The following A2ML1 variants were observed in gnomAD, a reference collection of about 807,000 sequenced individuals.
A2ML1 encodes alpha-2-macroglobulin-like protein 1.
In A2ML1, 161 loss-of-function variants were observed where a neutral mutation model predicts 181.9. The observed-to-expected ratio is 0.89, with a 90% confidence interval of 0.78 to 1.01. The LOEUF (loss-of-function observed/expected upper bound fraction) is 1.01, where lower values mean the gene tolerates loss of function less well. Among genes scored for constraint, A2ML1 ranks in the 50% least tolerant of loss-of-function variants. A2ML1 has a pLI of 0.00. For synonymous variants in A2ML1, 663 were observed against 666.8 expected (o/e 0.99, Z 0.09); for missense variants, 1,670 against 1,768.1 (o/e 0.94, Z 1.00).
At chr12:8,840,588 G>A (rs993479325) in intron 10 of A2ML1, among the ~76,000 whole-genome samples, 108 of 152,038 alleles carry the variant, frequency 7.1e-4, no homozygotes, top group African/African-American at 2.4e-3. Flanking sequence ...CACAGTTTGG[G>A]AGGGTAGGGG....
rs1236425030 is a variant in A2ML1 at position 8,845,864 on chromosome 12, ATAAATAAAATAAAATAAAATAAAAT to A, written c.1538-212_1538-188del. Among the ~76,000 whole-genome samples, 214 of 57,170 alleles carry A rather than the reference ATAAATAAAATAAAATAAAATAAAAT, an allele frequency of 3.7e-3. 8 individuals carry two copies. The highest frequency in any genetic ancestry group is 0.014 in the African/African-American group (176 of 13,034). The allele number at this position is 57,170 out of a possible 152,430, so 37.5% of individuals were successfully genotyped here. ...GACTCCGTCTCAAAAAAAAAAAAAA[ATAAATAAAATAAAATAAAATAAAAT>A]AAAAAAATTCTTATCCACAGAAGTA... On this transcript the variant is annotated intron_variant, in intron 13 of 35. Transcript: ENST00000299698.
rs2136930073 is a variant in A2ML1 at position 8,860,949 on chromosome 12, T to C, written c.3333T>C (p.Asp1111=). Residue 1111 remains aspartate, a synonymous_variant, in exon 27 of 36, where the codon GAT becomes GAC. Coordinates refer to ENST00000299698, the MANE Select transcript of A2ML1 (RefSeq NM_144670.6). ...CTGCATTGCTGGAGATGGGAAAGGA[T>C]GTAGATGTAAGTTCTCCTGGCTCCT... is the stretch of plus-strand genomic sequence containing the variant. The part of the protein sequence containing the change: ...VTAALLEMGK[D]VDDPMVSQGL... 5 of 1,614,068 alleles carry C rather than the reference T, an allele frequency of 3.1e-6. No homozygotes were observed. The highest frequency in any genetic ancestry group is 1.3e-5 in the African/African-American group (1 of 75,002).
rs1360882562 is a variant in A2ML1, at chr12:8,864,358, C to G, written c.3717+350C>G. On this transcript the variant is annotated intron_variant, in intron 29 of 35. Transcript: ENST00000299698. The stretch of plus-strand genomic sequence containing the variant: ...TGAAACCCCATCTCTACTAAAAATA[C>G]AAAAATTAGCCAGGTGCGATGGCAG... 2.9e-4 allele frequency among the ~76,000 whole-genome samples: 4 copies of G among 13,658 alleles called. 2 individuals carry two copies. Among genetic ancestry groups the G allele is most frequent in the Non-Finnish European group, 0.034 (2 of 58 alleles). 9.0% of individuals were successfully genotyped at this position (13,658 alleles called of 152,430 possible).
At chr12:8,839,246 TA>T in intron 10 of A2ML1, 24 bp downstream of exon 10, 6 of 1,569,318 alleles carry the variant, frequency 3.8e-6, no homozygotes, top group Non-Finnish European at 4.4e-6. Context: ...TTTCTCTGCA[TA>T]GACAAAAAAA....
chr12:8,838,474 A>T, intron 9 of A2ML1, 24 bp downstream of exon 9: 1 of 1,583,638 alleles, frequency 6.3e-7, no homozygotes, highest in Non-Finnish European at 8.6e-7. Flanking sequence ...TCCTTGGCTC[A>T]TTAAGAAAAG....
chr12:8,855,389 C>G, intron 22 of A2ML1, 120 bp from the exon 23 acceptor site: 1 of 843,584 alleles, frequency 1.2e-6, no homozygotes, highest in Admixed American at 2.2e-5. Context: ...TTCTGCATCC[C>G]AGAGAAAGCA....
intron 29 of A2ML1, among the ~76,000 whole-genome samples, chr12:8,865,506 T>A (rs1265032460): frequency 6.6e-6 from 1 of 152,166 alleles, no homozygotes; most frequent in African/African-American, 2.4e-5. Context: ...GCCATTGCAC[T>A]CCAGCCTGGG....
intron 7 of A2ML1, 41 bp downstream of exon 7, chr12:8,836,380 C>A: frequency 6.5e-7 from 1 of 1,534,912 alleles, no homozygotes; most frequent in Non-Finnish European, 9.0e-7. Context: ...ATTAAAGATG[C>A]ATCGAGAGAC....
intron 5 of A2ML1, 61 bp downstream of exon 5, chr12:8,834,743 T>G: frequency 6.2e-7 from 1 of 1,603,244 alleles, no homozygotes; most frequent in Non-Finnish European, 8.5e-7. Context: ...GAGAATTTGG[T>G]GGTACACCTT....
chr12:8,882,165 T>A, intron 7 of A2ML1, among the ~76,000 whole-genome samples: 1 of 151,328 alleles, frequency 6.6e-6, no homozygotes, highest in Non-Finnish European at 1.5e-5. Flanking sequence ...AAGCCAAGAG[T>A]GTTGAGGACT....
rs764547962 is a variant in A2ML1 at position 8,823,209 on chromosome 12, G to A, written c.90G>A (p.Arg30=). ...LPNYLVTLPA[R]LNFPSVQKVC... ...ACTACCTGGTGACATTACCAGCCCG[G>A]CTAAATTTCCCCTCCGTTCAGAAGG... The change falls in exon 2 of 36, where the codon CGG becomes CGA. Residue 30 remains arginine (R), a synonymous_variant. Coordinates refer to ENST00000299698, the MANE Select transcript of A2ML1 (RefSeq NM_144670.6). 3 of 1,613,864 alleles carry A rather than the reference G, an allele frequency of 1.9e-6. No homozygotes were observed. Among genetic ancestry groups the A allele is most frequent in the Admixed American group, 3.3e-5 (2 of 59,954 alleles).
rs755743642 is a variant in A2ML1 at position 8,822,622 on chromosome 12, A to C, written c.-30A>C. Reference sequence around the variant, plus strand: ...CTACGCGGAGCGATCTCTGCCCCTGACCCTGGAAAAATCTGTCTCACCCAC... The same window carrying C: ...CTACGCGGAGCGATCTCTGCCCCTGCCCCTGGAAAAATCTGTCTCACCCAC... On this transcript the variant is annotated 5_prime_UTR_variant, in exon 1 of 36. Transcript: ENST00000299698. 8 of 1,609,886 alleles carry C rather than the reference A, an allele frequency of 5.0e-6. No homozygotes were observed. The highest frequency in any genetic ancestry group is 3.3e-4 in the Middle Eastern group (2 of 6,056).
At chr12:8,847,803 C>T (rs1300646165) in intron 15 of A2ML1, 105 bp downstream of exon 15, 12 of 1,421,724 alleles carry the variant, frequency 8.4e-6, no homozygotes, top group Non-Finnish European at 1.1e-5. Flanking sequence ...AAATAATGCA[C>T]TGCCATAAGG....
chr12:8,882,204 G>A (rs1944878587), intron 7 of A2ML1, among the ~76,000 whole-genome samples: 1 of 151,894 alleles, frequency 6.6e-6, no homozygotes. Context: ...GAGAAGAGGA[G>A]AGACTGAAAG....
At chr12:8,837,891 GAAAA>G (rs151300022) in intron 8 of A2ML1, among the ~76,000 whole-genome samples, 15 of 103,820 alleles carry the variant, frequency 1.4e-4, no homozygotes, top group Admixed American at 3.0e-4. Flanking sequence ...CTCCCCCACC[GAAAA>G]AAAAAAAAAA....
rs183106884 is a variant in A2ML1 at position 8,882,943 on chromosome 12, C to A, written c.*94+2327C>A. Among the ~76,000 whole-genome samples, 195 of 152,300 alleles carry A rather than the reference C, an allele frequency of 1.3e-3. 1 individual carries two copies. Among genetic ancestry groups the A allele is most frequent in the Admixed American group, 2.6e-3 (40 of 15,282 alleles). ...TCTTCCTGCCCCCTCCCCGCCAGCT[C>A]CATCTTCGGCCTTTGACCCTCACAC... On this transcript the variant is annotated intron_variant and NMD_transcript_variant, in intron 7 of 7. Coordinates refer to the A2ML1 transcript ENST00000537475.
At chr12:8,882,641 AT>A (rs1387025985) in intron 7 of A2ML1, among the ~76,000 whole-genome samples, 1 of 152,108 alleles carries the variant, frequency 6.6e-6, no homozygotes, top group Admixed American at 6.6e-5. Context: ...AACCCTTAGA[AT>A]TGTGTCAGGT....
At chr12:8,869,313 A>C (rs1052361468) in intron 33 of A2ML1, 110 bp downstream of exon 33, 3 of 1,090,998 alleles carry the variant, frequency 2.7e-6, no homozygotes, top group Admixed American at 1.8e-5. Flanking sequence ...GGGGCCTGGG[A>C]GTGAGTCCAC....
At chr12:8,839,729 G>A (rs942221583) in intron 10 of A2ML1, among the ~76,000 whole-genome samples, 6 of 152,042 alleles carry the variant, frequency 3.9e-5, no homozygotes, top group Non-Finnish European at 8.8e-5. Context: ...AAGCAATTTT[G>A]TTTTTCTTTC....
Sources: allele counts gnomAD v4.1 joint callset (sites outside exome capture counted in the v4.1 genomes callset), GRCh38; gene constraint gnomAD v4.1.1; transcripts MANE v1.5; gene names NCBI Gene and HGNC (gene_info 2026-07-23, HGNC 2026-07-21).